MAN2C1: variants seen among roughly 807,000 people sequenced by gnomAD.
MAN2C1 encodes the protein mannosidase alpha class 2C member 1.
Under a neutral mutation model 126.9 loss-of-function variants are expected in MAN2C1, and 111 were observed. The ratio of observed to expected loss-of-function variants is 0.87; its 90% CI spans 0.75 to 1.02. MAN2C1 has a LOEUF of 1.02. MAN2C1 is among the 50% of genes least tolerant of loss of function. The pLI is 0.00. For missense variants in MAN2C1, 1,363 were observed against 1,364.4 expected (o/e 1.00, Z 0.02); for synonymous variants, 567 against 561.5 (o/e 1.01, Z -0.14).
intron 3 of MAN2C1, 59 bp downstream of exon 3, chr15:75,367,452 C>T: frequency 6.3e-7 from 1 of 1,590,650 alleles, no homozygotes; most frequent in Non-Finnish European, 8.6e-7. Flanking sequence ...AGAAGAAGGG[C>T]TGTAGTCATT....
Position 75,356,771 on chromosome 15 carries a change from G to T in MAN2C1, c.2657+22C>A. On this transcript the variant is annotated intron_variant, in intron 22 of 25. Coordinates refer to ENST00000267978, the MANE Select transcript of MAN2C1 (RefSeq NM_006715.4). This position sits in a 1 kb window ranked among gnomAD's most constrained non-coding sequence, Gnocchi z 5.8. ...CCCATTTCTCCATGCCAGCTCCCAG[G>T]CCTGGTGGGTACCCCACTTACAGCG... is the stretch of plus-strand genomic sequence containing the variant. The T allele has an allele frequency of 1.2e-6, 2 of 1,613,598 alleles. No homozygotes were observed. Among genetic ancestry groups the T allele is most frequent in the Non-Finnish European group, 1.7e-6 (2 of 1,179,680 alleles).
chr15:75,366,984 A>G (rs1257924018), intron 3 of MAN2C1, among the ~76,000 whole-genome samples: 1 of 152,160 alleles, frequency 6.6e-6, no homozygotes, highest in Non-Finnish European at 1.5e-5. Flanking sequence ...ATGGCCCAGA[A>G]TGGACACCAG....
In MAN2C1 at chr15:75,358,267, C is replaced by T. The variant is rs1236237522; in HGVS notation, c.2481G>A (p.Glu827=). ...GTCGCTGCAGGTGCCCAAACTGGAT[C>T]TCATAGGTGGCCTGGGAACTCCGCA... ...ARVRSSQATY[E]IQFGHLQRPT... is the part of the protein sequence containing the mutation. The change falls in exon 21 of 26, where the codon GAG becomes GAA. Residue 827 remains glutamate, a synonymous_variant. Coordinates refer to ENST00000267978, the MANE Select transcript of MAN2C1 (RefSeq NM_006715.4). The T allele has an allele frequency of 6.2e-7, 1 of 1,614,070 alleles. No individual in the cohort carries two copies. The highest frequency in any genetic ancestry group is 2.2e-5 in the East Asian group (1 of 44,900).
rs565396765 is a variant in MAN2C1 at position 75,362,425 on chromosome 15, C to T, written c.926G>A (p.Arg309His). Reference protein sequence around the residue: ...QAQQLEWVKSRYPGLYSRIQE... With the variant: ...QAQQLEWVKSHYPGLYSRIQE... Reference sequence around the variant, plus strand: ...GATGCGGGAGTACAGGCCAGGGTAGCGGCTCTTCACCCATTCCAGCTGCTG... The same window carrying T: ...GATGCGGGAGTACAGGCCAGGGTAGTGGCTCTTCACCCATTCCAGCTGCTG... Residue 309 changes from arginine (R) to histidine (H), a missense_variant, in exon 8 of 26, where the codon CGC (arginine) becomes CAC (histidine). Around this residue, in one of 3 missense-constraint regions of MAN2C1, gnomAD observed 628 missense variants for 609.8 expected, o/e 1.03. Transcript: ENST00000267978. This position sits in a 1 kb window ranked among gnomAD's most constrained non-coding sequence, Gnocchi z 4.5. 23 of 1,613,512 alleles carry T rather than the reference C, an allele frequency of 1.4e-5. No individual in the cohort carries two copies. Among genetic ancestry groups the T allele is most frequent in the African/African-American group, 8.0e-5 (6 of 75,060 alleles).
Position 75,364,626 on chromosome 15 carries a change from C to T in MAN2C1, c.462G>A (p.Leu154=). The T allele has an allele frequency of 1.2e-6, 2 of 1,613,582 alleles. No individual in the cohort carries two copies. The highest frequency in any genetic ancestry group is 8.5e-7 in the Non-Finnish European group (1 of 1,179,764). ...CAATCATGCTTCCCTTCCCGGCCCC[C>T]AGGAGCCCATTGCAGGCTACTTCCA... is the stretch of plus-strand genomic sequence containing the variant. The part of the protein sequence containing the change: ...LYVEVACNGL[L]GAGKGSMIAA... Residue 154 remains leucine (L), a synonymous_variant, in exon 5 of 26, where the codon CTG becomes CTA. Transcript: ENST00000267978.
chr15:75,364,390 A>G (rs2072534932), intron 5 of MAN2C1, 98 bp downstream of exon 5: 1 of 1,375,558 alleles, frequency 7.3e-7, no homozygotes, highest in Admixed American at 2.8e-5. Flanking sequence ...CCCTCGTCCT[A>G]CTCTGGATTC....
chr15:75,364,586 C>T lies in MAN2C1; in HGVS notation c.502G>A (p.Glu168Lys). The change falls in exon 5 of 26, where the codon GAG becomes AAG. Residue 168 changes from glutamate to lysine, a missense_variant. This residue lies in a region of MAN2C1 where 628 missense variants were observed against 609.8 expected (regional missense o/e 1.03). Transcript: ENST00000267978. The part of the protein sequence containing the change: ...KGSMIAAPDP[E>K]KMFQLSRAEL... ...GCCCGGCTCAGCTGGAACATCTTCT[C>T]AGGGTCAGGGGCTGCAATCATGCTT... The T allele has an allele frequency of 6.2e-7, 1 of 1,613,448 alleles. No homozygotes were observed. The highest frequency in any genetic ancestry group is 8.5e-7 in the Non-Finnish European group (1 of 1,179,680).
In MAN2C1 at chr15:75,358,558, G is replaced by T. The variant is rs763206897; in HGVS notation, c.2307C>A (p.Gly769=). The T allele has an allele frequency of 6.2e-7, 1 of 1,613,408 alleles. No individual in the cohort carries two copies. The highest frequency in any genetic ancestry group is 1.7e-5 in the Admixed American group (1 of 60,034). ...TGATCTGTAGCAAGAACCAGGCGCTGCCCCGCAGGCCGCCCTCGGTGCCCA... is the reference window on the plus strand; with the variant it reads ...TGATCTGTAGCAAGAACCAGGCGCTTCCCCGCAGGCCGCCCTCGGTGCCCA... ...LAVGTEGGLR[G]SAWFLLQISP... Residue 769 remains glycine (G), a synonymous_variant, in exon 20 of 26, where the codon GGC becomes GGA. Transcript: ENST00000267978.
Position 75,362,481 on chromosome 15 carries a change from C to G in MAN2C1, c.898-28G>C, listed in dbSNP as rs767399454. 36 of 1,579,918 alleles carry G rather than the reference C, an allele frequency of 2.3e-5. No individual in the cohort carries two copies. The Admixed American group carries it at 6.0e-4, about 26-fold the overall frequency. The stretch of plus-strand genomic sequence containing the variant: ...GTGGGCAGGTTGAAGGGAGCTGGGA[C>G]CAGAGTGACAAGGGCCCCACCCAGG... On this transcript the variant is annotated intron_variant, in intron 7 of 25. Coordinates refer to ENST00000267978, the MANE Select transcript of MAN2C1 (RefSeq NM_006715.4). The surrounding 1 kb of genome is among the most constrained non-coding windows in gnomAD (Gnocchi z 4.5).
At chr15:75,367,435 A>G (rs1391354718) in intron 3 of MAN2C1, 76 bp downstream of exon 3, 1 of 1,547,070 alleles carries the variant, frequency 6.5e-7, no homozygotes, top group Non-Finnish European at 8.8e-7. Context: ...GCTTCTCCAG[A>G]GTCCACAGAA....
At position 75,355,932 on chromosome 15, in the gene MAN2C1, G is replaced by T; in HGVS notation, c.3097C>A (p.Leu1033Ile). 6.2e-7 allele frequency: 1 copy of T among 1,614,206 alleles called. No individual in the cohort carries two copies. Among genetic ancestry groups the T allele is most frequent in the Non-Finnish European group, 8.5e-7 (1 of 1,180,034 alleles). Residue 1033 changes from leucine to isoleucine, a missense_variant, in exon 26 of 26, where the codon CTC becomes ATC. Around this residue, in one of 3 missense-constraint regions of MAN2C1, gnomAD observed 668 missense variants for 650.1 expected, o/e 1.03. Coordinates refer to ENST00000267978, the MANE Select transcript of MAN2C1 (RefSeq NM_006715.4). Reference sequence around the variant, plus strand: ...CAGTGTGGCGGAGGCTGAAGCACGAGCAACAGGGACAGCACTTGGAAGGGA... The same window carrying T: ...CAGTGTGGCGGAGGCTGAAGCACGATCAACAGGGACAGCACTTGGAAGGGA... Reference protein sequence around the residue: ...FSPFQVLSLLLVLQPPPH With the variant: ...FSPFQVLSLLIVLQPPPH
At position 75,368,294 on chromosome 15, in the gene MAN2C1, C is replaced by G. The variant is rs1336446118; in HGVS notation, c.102-96G>C. On this transcript the variant is annotated intron_variant, in intron 1 of 25. Transcript: ENST00000267978. ...GGGGCCGCACTTTCCCTGGATCCTC[C>G]GCCAAGAGGGCTGCCTGGCCGCTCC... The G allele has an allele frequency of 3.0e-5, 45 of 1,507,124 alleles. 1 individual carries two copies. The South Asian group carries it at 5.3e-4, about 18-fold the overall frequency. The allele number at this position is 1,507,124 out of a possible 1,614,324, so 93.4% of individuals were successfully genotyped here. A position where few individuals can be genotyped will look rare whatever the true frequency, so the allele number is the denominator to read the frequency against.
intron 16 of MAN2C1, 66 bp downstream of exon 16, chr15:75,359,554 C>T: frequency 1.3e-6 from 2 of 1,594,114 alleles, no homozygotes; most frequent in Non-Finnish European, 1.7e-6. Flanking sequence ...TCGGGGTATC[C>T]CAGGCCTGAT....
chr15:75,359,443 G>GC lies in MAN2C1; in HGVS notation c.1949-19dup. On this transcript the variant is annotated intron_variant, in intron 16 of 25. Transcript: ENST00000267978. ...CACCAGGGCTGGGGGTGAGGCCTGGGCATCAGTGCAGCCTTCCTGACCTTT... is the reference window on the plus strand; with the variant it reads ...CACCAGGGCTGGGGGTGAGGCCTGGGCCATCAGTGCAGCCTTCCTGACCTTT... 2 of 1,599,624 alleles carry GC rather than the reference G, an allele frequency of 1.3e-6. No individual in the cohort carries two copies. Among genetic ancestry groups the GC allele is most frequent in the Non-Finnish European group, 8.5e-7 (1 of 1,169,928 alleles).
chr15:75,363,649 T>C lies in MAN2C1; in HGVS notation c.790+350A>G, dbSNP rs538953735. On this transcript the variant is annotated intron_variant, in intron 6 of 25. Transcript: ENST00000267978. The stretch of plus-strand genomic sequence containing the variant: ...GGTGAAACCCCGTCTCTACTAAAAA[T>C]ACAAAAATTAACCAGGCATTGTGGT... 17 of 332,296 alleles carry C rather than the reference T, an allele frequency of 5.1e-5. No homozygotes were observed. In the East Asian group the frequency reaches 6.3e-4, roughly 12 times the overall value. 20.6% of individuals were successfully genotyped at this position (332,296 alleles called of 1,614,324 possible). A position where few individuals can be genotyped will look rare whatever the true frequency, so the allele number is the denominator to read the frequency against.
At chr15:75,367,703 T>C (rs2072604856) in intron 2 of MAN2C1, 69 bp from the exon 3 acceptor site, 4 of 1,585,546 alleles carry the variant, frequency 2.5e-6, no homozygotes, top group Non-Finnish European at 3.4e-6. Context: ...TTGGATAAAG[T>C]GTCGGCAGGG....
chr15:75,361,364 C>A lies in MAN2C1; in HGVS notation c.1236G>T (p.Trp412Cys). 1 of 1,564,322 alleles carries A rather than the reference C, an allele frequency of 6.4e-7. No individual in the cohort carries two copies. The highest frequency in any genetic ancestry group is 8.7e-7 in the Non-Finnish European group (1 of 1,153,654). The change falls in exon 11 of 26, where the codon TGG becomes TGT. Residue 412 changes from tryptophan (W) to cysteine (C), a missense_variant. Trp to Cys is a radical substitution (Grantham distance 215, BLOSUM62 -2). This residue lies in a region of MAN2C1 where 628 missense variants were observed against 609.8 expected (regional missense o/e 1.03). Coordinates refer to ENST00000267978, the MANE Select transcript of MAN2C1 (RefSeq NM_006715.4). The surrounding 1 kb of genome is among the most constrained non-coding windows in gnomAD (Gnocchi z 5.0). Reference protein sequence around the residue: ...VNSFPHHTFFWEGLDGSRVLV... With the variant: ...VNSFPHHTFFCEGLDGSRVLV... ...GTACACGGGAGCCATCCAGGCCCTC[C>A]CAGAAAAATGTATGGTGCTACCAGC...
At position 75,358,456 on chromosome 15, in the gene MAN2C1, G is replaced by A. The variant is rs368053079; in HGVS notation, c.2403+6C>T. ...GGAAAACAGCCACCCCCTACCCCCCGACTACCTCGGTGTGGAAGCGGACAT... is the reference window on the plus strand; with the variant it reads ...GGAAAACAGCCACCCCCTACCCCCCAACTACCTCGGTGTGGAAGCGGACAT... On this transcript the variant is annotated splice_donor_region_variant and intron_variant, in intron 20 of 25. Transcript: ENST00000267978. 133 of 1,613,276 alleles carry A rather than the reference G, an allele frequency of 8.2e-5. No homozygotes were observed. Among genetic ancestry groups the A allele is most frequent in the African/African-American group, 7.5e-4 (56 of 75,034 alleles).
chr15:75,361,953 A>G lies in MAN2C1; in HGVS notation c.1009-6T>C, dbSNP rs781167420. On this transcript the variant is annotated splice_region_variant and splice_polypyrimidine_tract_variant and intron_variant, in intron 8 of 25. Coordinates refer to ENST00000267978, the MANE Select transcript of MAN2C1 (RefSeq NM_006715.4). The surrounding 1 kb of genome is among the most constrained non-coding windows in gnomAD (Gnocchi z 5.0). The stretch of plus-strand genomic sequence containing the variant: ...CCACTGGGCAGGTTCCCATCCTGGC[A>G]GTGAAGGAAGTGGGAGGCAGCCCAG... The G allele has an allele frequency of 1.2e-6, 2 of 1,611,192 alleles. No individual in the cohort carries two copies. The highest frequency in any genetic ancestry group is 1.7e-6 in the Non-Finnish European group (2 of 1,177,522).
Sources: allele counts gnomAD v4.1 joint callset (sites outside exome capture counted in the v4.1 genomes callset), GRCh38; gene constraint gnomAD v4.1.1; regional missense constraint gnomAD v4.1.1; non-coding constraint Gnocchi (gnomAD v3.1); transcripts MANE v1.5; gene names NCBI Gene and HGNC (gene_info 2026-07-23, HGNC 2026-07-21).